LYPD6B: variants seen among roughly 807,000 people sequenced by gnomAD.
LYPD6B encodes the protein ly6/PLAUR domain-containing protein 6B.
A neutral mutation model predicts 22.8 loss-of-function variants in LYPD6B; 17 were observed. The observed-to-expected ratio is 0.75, with a 90% CI of 0.51 to 1.12. The LOEUF is 1.12. Among genes scored for constraint, LYPD6B ranks in the 50% most tolerant of loss-of-function variants. The pLI, the probability that LYPD6B is intolerant of heterozygous loss-of-function variation, is 0.00. For synonymous variants in LYPD6B, 106 were observed against 91.6 expected (o/e 1.16, Z -0.90); for missense variants, 221 against 258.3 (o/e 0.86, Z 0.99).
Position 149,214,750 on chromosome 2 carries a change from G to A in LYPD6B, c.*40G>A, listed in dbSNP as rs1377550701. 6.2e-7 allele frequency: 1 copy of A among 1,603,130 alleles called. No individual in the cohort carries two copies. The highest frequency in any genetic ancestry group is 8.5e-7 in the Non-Finnish European group (1 of 1,170,480). On this transcript the variant is annotated 3_prime_UTR_variant, in exon 7 of 7. Transcript: ENST00000409642. ...GGAGAGGCAGAGACCAGCCTCTAAAGCACAAGCCAAAAACTGTGTGAACGG... is the reference window on the plus strand; with the variant it reads ...GGAGAGGCAGAGACCAGCCTCTAAAACACAAGCCAAAAACTGTGTGAACGG...
rs1454802925 is a variant in LYPD6B at position 149,175,061 on chromosome 2, C to CTCTCTCTCTCTGTG, written c.77+14227_77+14228insCTCTCTCTCTGTGT. ...TCTCTCTCTCTCTCTCTCTCTCTCTCTGTGTGTGTGTGTGTGTGTGTGTGT... is the reference window on the plus strand; with the variant it reads ...TCTCTCTCTCTCTCTCTCTCTCTCTCTCTCTCTCTCTGTGTGTGTGTGTGTGTGTGTGTGTGTGT... On this transcript the variant is annotated intron_variant, in intron 3 of 6. Coordinates refer to ENST00000409642, the MANE Select transcript of LYPD6B (RefSeq NM_177964.5). Among the ~76,000 whole-genome samples the CTCTCTCTCTCTGTG allele has an allele frequency of 6.0e-3, 680 of 112,962 alleles. 5 individuals carry two copies. The highest frequency in any genetic ancestry group is 0.017 in the East Asian group (58 of 3,434). The allele number at this position is 112,962 out of a possible 152,430, so 74.1% of individuals were successfully genotyped here.
At position 149,052,059 on chromosome 2, in the gene LYPD6B, A is replaced by T. The variant is rs536655292; in HGVS notation, c.-67+13258A>T. On this transcript the variant is annotated intron_variant, in intron 1 of 6. Transcript: ENST00000409642. ...CTCCTAAGCCTCATACAATACTAGG[A>T]TTATTATTATTATTTTGAGATGGAG... Among the ~76,000 whole-genome samples the T allele has an allele frequency of 2.0e-5, 3 of 151,908 alleles. No individual in the cohort carries two copies. The East Asian group carries it at 5.8e-4, about 29-fold the overall frequency.
intron 1 of LYPD6B, among the ~76,000 whole-genome samples, chr2:149,112,724 C>A (rs1196264053): frequency 6.6e-6 from 1 of 152,142 alleles, no homozygotes; most frequent in Non-Finnish European, 1.5e-5. Context: ...ATTATTCCTT[C>A]AAACTTTTTG....
chr2:149,085,077 G>C lies in LYPD6B; in HGVS notation c.-66-45806G>C, dbSNP rs559784656. 1.2e-4 allele frequency among the ~76,000 whole-genome samples: 19 copies of C among 152,340 alleles called. No homozygotes were observed. In the South Asian group the frequency reaches 3.7e-3, roughly 30 times the overall value. On this transcript the variant is annotated intron_variant, in intron 1 of 6. Coordinates refer to ENST00000409642, the MANE Select transcript of LYPD6B (RefSeq NM_177964.5). ...CCAGCCAGCATCTCACGCTCTCTGA[G>C]CTGTTCGTGCATTGATCCTCTTGGC...
At chr2:149,045,034 A>G (rs1361037469) in intron 1 of LYPD6B, among the ~76,000 whole-genome samples, 1 of 152,032 alleles carries the variant, frequency 6.6e-6, no homozygotes, top group East Asian at 1.9e-4. Context: ...AGAATTCTCT[A>G]GTGAAACCAT....
At chr2:149,099,477 A>ACCTAGGATCCT (rs869127273) in intron 1 of LYPD6B, among the ~76,000 whole-genome samples, 9 of 92,438 alleles carry the variant, frequency 9.7e-5, no homozygotes, top group South Asian at 7.9e-4. Context: ...TGGTCCCCTC[A>ACCTAGGATCCT]TGGTAGGGTC....
chr2:149,173,348 C>A (rs1289462001), intron 3 of LYPD6B, among the ~76,000 whole-genome samples: 1 of 37,138 alleles, frequency 2.7e-5, no homozygotes, highest in East Asian at 7.2e-4. Flanking sequence ...GTCTGTCAGG[C>A]CTTTTTTTTT....
intron 1 of LYPD6B, among the ~76,000 whole-genome samples, chr2:149,070,353 C>CCA (rs1684540413): frequency 6.6e-6 from 1 of 152,142 alleles, no homozygotes; most frequent in Non-Finnish European, 1.5e-5. Context: ...AAGTTTATTC[C>CCA]TTCTGCTGGG....
At chr2:149,175,206 C>T (rs1188255748) in intron 3 of LYPD6B, among the ~76,000 whole-genome samples, 2 of 152,036 alleles carry the variant, frequency 1.3e-5, no homozygotes, top group South Asian at 2.1e-4. Flanking sequence ...ACCTACGATA[C>T]TCCCATGCTA....
intron 3 of LYPD6B, among the ~76,000 whole-genome samples, chr2:149,169,038 G>A (rs1435276753): frequency 6.6e-6 from 1 of 152,164 alleles, no homozygotes; most frequent in Non-Finnish European, 1.5e-5. Flanking sequence ...TAATTAAACT[G>A]TATTTTAACA....
chr2:149,209,187 C>T (rs1181886909), intron 5 of LYPD6B, among the ~76,000 whole-genome samples: 4 of 151,972 alleles, frequency 2.6e-5, no homozygotes, highest in Admixed American at 6.6e-5. Flanking sequence ...GGTGAGAAGG[C>T]GGTAGGGAGT....
chr2:149,145,676 G>T (rs928061164), intron 2 of LYPD6B, among the ~76,000 whole-genome samples: 1 of 152,168 alleles, frequency 6.6e-6, no homozygotes, highest in Admixed American at 6.5e-5. Context: ...GCAAAATTTT[G>T]TCCTATGAGC....
intron 1 of LYPD6B, among the ~76,000 whole-genome samples, chr2:149,063,834 GA>G (rs1172046466): frequency 6.6e-5 from 10 of 152,116 alleles, no homozygotes; most frequent in Non-Finnish European, 1.0e-4. Context: ...TAAAGCAAAA[GA>G]AGCAACTAGC....
chr2:149,076,449 A>C (rs377263951), intron 1 of LYPD6B, among the ~76,000 whole-genome samples: 5 of 152,216 alleles, frequency 3.3e-5, no homozygotes, highest in African/African-American at 1.2e-4. Context: ...CTAGAAATCT[A>C]TTTCCAAGGG....
chr2:149,207,771 C>T (rs1191002747), intron 4 of LYPD6B, among the ~76,000 whole-genome samples: 2 of 152,150 alleles, frequency 1.3e-5, no homozygotes, highest in East Asian at 1.9e-4. Flanking sequence ...CATGATTTGA[C>T]GTGCTAGAGA....
chr2:149,052,616 A>G (rs1323790061), intron 1 of LYPD6B, among the ~76,000 whole-genome samples: 2 of 152,180 alleles, frequency 1.3e-5, no homozygotes, highest in Non-Finnish European at 2.9e-5. Context: ...CCCACCAACC[A>G]CAGCTCGGTG....
chr2:149,046,703 A>G (rs1391393312), intron 1 of LYPD6B, among the ~76,000 whole-genome samples: 2 of 152,068 alleles, frequency 1.3e-5, no homozygotes, highest in African/African-American at 4.8e-5. Flanking sequence ...AGTTAATAAT[A>G]TGTATCTTTA....
At position 149,048,637 on chromosome 2, in the gene LYPD6B, T is replaced by C. The variant is rs188213126; in HGVS notation, c.-67+9836T>C. On this transcript the variant is annotated intron_variant, in intron 1 of 6. Coordinates refer to ENST00000409642, the MANE Select transcript of LYPD6B (RefSeq NM_177964.5). ...TAGATTTTGGGCTAGTTTGTTCTCC[T>C]TTGCCTCAGTTTTCTCATGGATTTG... Among the ~76,000 whole-genome samples, 708 of 152,316 alleles carry C rather than the reference T, an allele frequency of 4.6e-3. 3 individuals carry two copies. Among genetic ancestry groups the C allele is most frequent in the African/African-American group, 0.017 (696 of 41,584 alleles).
chr2:149,100,278 C>T (rs1171177908), intron 1 of LYPD6B, among the ~76,000 whole-genome samples: 2 of 152,058 alleles, frequency 1.3e-5, no homozygotes, highest in Non-Finnish European at 2.9e-5. Context: ...GGCATTGGCT[C>T]ATGAACTGAT....
Sources: allele counts gnomAD v4.1 joint callset (sites outside exome capture counted in the v4.1 genomes callset), GRCh38; gene constraint gnomAD v4.1.1; transcripts MANE v1.5; gene names NCBI Gene and HGNC (gene_info 2026-07-23, HGNC 2026-07-21).